BARD1: variants seen among roughly 807,000 people sequenced by gnomAD.
BARD1 encodes the protein BRCA1 associated RING domain 1, also known as BRCA1-associated RING domain protein 1.
Under a neutral mutation model 77.0 loss-of-function variants are expected in BARD1, and 73 were observed. The observed-to-expected ratio is 0.95, with a 90% CI of 0.79 to 1.15. The LOEUF (loss-of-function observed/expected upper bound fraction) is 1.15, where lower values mean the gene tolerates loss of function less well. Ranked by LOEUF, BARD1 falls within the 50% of genes most tolerant of loss-of-function variation. The probability of loss-of-function intolerance (pLI) is 0.00; values close to 1 mark genes in which losing one functional copy is unlikely to be tolerated. For missense variants in BARD1, 993 were observed against 938.8 expected (o/e 1.06, Z -0.75); for synonymous variants, 384 against 338.0 (o/e 1.14, Z -1.49).
At chr2:214,741,887 T>C (rs1261270983) in intron 9 of BARD1, among the ~76,000 whole-genome samples, 2 of 151,442 alleles carry the variant, frequency 1.3e-5, no homozygotes, top group East Asian at 3.9e-4. Context: ...AGAAAACTTC[T>C]CATAGTTAAA....
chr2:214,755,242 T>C (rs909299453), intron 6 of BARD1, among the ~76,000 whole-genome samples: 2 of 152,200 alleles, frequency 1.3e-5, no homozygotes, highest in Non-Finnish European at 1.5e-5. Context: ...TCTTCATCAC[T>C]ATACAAGGGA....
chr2:214,751,666 C>G (rs375165138), intron 7 of BARD1, among the ~76,000 whole-genome samples: 13 of 152,242 alleles, frequency 8.5e-5, no homozygotes, highest in African/African-American at 2.6e-4. Flanking sequence ...AAGCTCCAGA[C>G]TTTCATATCC....
At chr2:214,763,681 GAA>G (rs1386977285) in intron 6 of BARD1, among the ~76,000 whole-genome samples, 1 of 152,180 alleles carries the variant, frequency 6.6e-6, no homozygotes, top group African/African-American at 2.4e-5. Context: ...TGGTTATTGA[GAA>G]AAGAGTTCCA....
Position 214,725,821 on chromosome 2 carries a change from G to A in BARD1, c.*2855C>T, listed in dbSNP as rs934003287. The stretch of plus-strand genomic sequence containing the variant: ...TTCCTACCATTTTAATGTGTTCAGG[G>A]TAGGAAACAGAATAGACAATTGTGA... On this transcript the variant is annotated 3_prime_UTR_variant, in exon 11 of 11. Transcript: ENST00000260947. 2.3e-5 allele frequency: 5 copies of A among 221,210 alleles called. No individual in the cohort carries two copies. Among genetic ancestry groups the A allele is most frequent in the African/African-American group, 1.1e-4 (5 of 44,730 alleles). 13.7% of individuals were successfully genotyped at this position (221,210 alleles called of 1,614,324 possible).
At chr2:214,774,622 C>T (rs923965720) in intron 4 of BARD1, among the ~76,000 whole-genome samples, 1 of 152,192 alleles carries the variant, frequency 6.6e-6, no homozygotes, top group African/African-American at 2.4e-5. Context: ...GGTAAATGAG[C>T]ATTGGCTTCC....
chr2:214,808,659 C>T (rs535420983), intron 1 of BARD1, among the ~76,000 whole-genome samples: 2 of 151,408 alleles, frequency 1.3e-5, no homozygotes, highest in African/African-American at 4.8e-5. Context: ...TTTTACAAAC[C>T]TTCTTGGTTT....
At chr2:214,733,398 A>G (rs1173334042) in intron 9 of BARD1, among the ~76,000 whole-genome samples, 5 of 151,974 alleles carry the variant, frequency 3.3e-5, no homozygotes, top group Non-Finnish European at 5.9e-5. Flanking sequence ...AATTTTATAT[A>G]CTATCTTTAA....
In BARD1 at chr2:214,769,299, G is replaced by C; in HGVS notation, c.1328C>G (p.Ser443Cys). 6.2e-7 allele frequency: 1 copy of C among 1,613,192 alleles called. No homozygotes were observed. Among genetic ancestry groups the C allele is most frequent in the South Asian group, 1.1e-5 (1 of 91,058 alleles). ...HIASIKGDIP[S>C]VEYLLQNGSD... ...TCCATTTTGTAAAAGGTATTCAACA[G>C]AAGGTATGTCGCCCTAGAAAAATGA... The change falls in exon 5 of 11, where the codon TCT becomes TGT. Residue 443 changes from serine to cysteine, a missense_variant. Physicochemically the swap from Ser to Cys is moderately radical, Grantham distance 112. Coordinates refer to ENST00000260947, the MANE Select transcript of BARD1 (RefSeq NM_000465.4).
At chr2:214,770,484 T>A (rs1694432271) in intron 4 of BARD1, among the ~76,000 whole-genome samples, 2 of 152,184 alleles carry the variant, frequency 1.3e-5, no homozygotes. Context: ...CAACCTCTTT[T>A]TAAATCAGAT....
chr2:214,739,242 C>T (rs1692703270), intron 9 of BARD1, among the ~76,000 whole-genome samples: 3 of 150,392 alleles, frequency 2.0e-5, no homozygotes, highest in Admixed American at 6.6e-5. Context: ...ACAAAATATC[C>T]TAAAAAAAAA....
intron 1 of BARD1, among the ~76,000 whole-genome samples, chr2:214,799,926 T>C (rs1695939544): frequency 6.6e-6 from 1 of 152,206 alleles, no homozygotes; most frequent in African/African-American, 2.4e-5. Flanking sequence ...ACTGACCTCA[T>C]CTTCTTTCCT....
chr2:214,728,788 T>C lies in BARD1; in HGVS notation c.2222A>G (p.Asp741Gly), dbSNP rs1553612090. ...RFCTQYIIYE[D>G]LCNYHPERVR... ...CCTCTCTGGGTGATAATTACACAAATCTTCATAGATGATATACTGTGTGCA... is the reference window on the plus strand; with the variant it reads ...CCTCTCTGGGTGATAATTACACAAACCTTCATAGATGATATACTGTGTGCA... The change falls in exon 11 of 11, where the codon GAT becomes GGT. Residue 741 changes from aspartate to glycine, a missense_variant. Asp to Gly is a moderately conservative substitution (Grantham distance 94). Transcript: ENST00000260947. The C allele has an allele frequency of 1.2e-6, 2 of 1,614,150 alleles. No individual in the cohort carries two copies. The highest frequency in any genetic ancestry group is 1.7e-6 in the Non-Finnish European group (2 of 1,180,018).
chr2:214,756,509 T>C (rs1051038590), intron 6 of BARD1, among the ~76,000 whole-genome samples: 4 of 152,226 alleles, frequency 2.6e-5, no homozygotes, highest in African/African-American at 9.6e-5. Context: ...AGTCATGATA[T>C]GAAAAAGATA....
At chr2:214,747,852 AT>A (rs1465000019) in intron 7 of BARD1, among the ~76,000 whole-genome samples, 7 of 151,626 alleles carry the variant, frequency 4.6e-5, no homozygotes, top group Non-Finnish European at 2.9e-5. Context: ...AACTTAAAGT[AT>A]AATAATAATA....
intron 3 of BARD1, among the ~76,000 whole-genome samples, chr2:214,783,758 A>T (rs544443923): frequency 6.6e-6 from 1 of 152,174 alleles, no homozygotes; most frequent in Non-Finnish European, 1.5e-5. Flanking sequence ...TAACAAAACA[A>T]GCAATGGGGA....
intron 9 of BARD1, among the ~76,000 whole-genome samples, chr2:214,739,882 C>T (rs1012225459): frequency 1.3e-4 from 20 of 152,012 alleles, no homozygotes; most frequent in Admixed American, 2.6e-4. Flanking sequence ...GTGTAATTTG[C>T]TATTTTACTT....
chr2:214,767,758 T>C, intron 5 of BARD1, 104 bp from the exon 6 acceptor site: 2 of 1,088,518 alleles, frequency 1.8e-6, no homozygotes, highest in South Asian at 2.8e-5. Flanking sequence ...CGTCAGGCAG[T>C]AAATTTATTG....
chr2:214,759,380 C>T (rs964774442), intron 6 of BARD1, among the ~76,000 whole-genome samples: 1 of 152,106 alleles, frequency 6.6e-6, no homozygotes, highest in African/African-American at 2.4e-5. Context: ...TCTAGCTTCA[C>T]ACTGGGATGT....
At chr2:214,753,814 T>G (rs1188913090) in intron 6 of BARD1, among the ~76,000 whole-genome samples, 2 of 152,154 alleles carry the variant, frequency 1.3e-5, no homozygotes, top group South Asian at 4.1e-4. Context: ...TGACTGCAAT[T>G]CGTGACTATC....
Sources: gnomAD v4.1 joint callset for allele counts (sites outside exome capture counted in the v4.1 genomes callset) on GRCh38, gnomAD v4.1.1 for gene constraint, MANE v1.5 for transcripts, NCBI Gene and HGNC (gene_info 2026-07-23, HGNC 2026-07-21) for gene names.